RPS6KL1: variants seen among roughly 807,000 people sequenced by gnomAD.
RPS6KL1 encodes the protein ribosomal protein S6 kinase-like 1.
Under a neutral mutation model 57.0 loss-of-function variants are expected in RPS6KL1, and 41 were observed. The observed-to-expected ratio is 0.72, with a 90% confidence interval of 0.56 to 0.93. RPS6KL1 has a LOEUF of 0.93. Ranked by LOEUF, RPS6KL1 falls within the 40% of genes least tolerant of loss-of-function variation. The pLI is 0.00. For synonymous variants in RPS6KL1, 287 were observed against 309.7 expected (o/e 0.93, Z 0.77); for missense variants, 697 against 727.7 (o/e 0.96, Z 0.49).
chr14:74,919,631 G>A (rs1359890263), intron 4 of RPS6KL1, among the ~76,000 whole-genome samples: 6 of 152,344 alleles, frequency 3.9e-5, no homozygotes, highest in African/African-American at 1.4e-4. Context: ...TCAGTGAGTT[G>A]TTTGAAAATG....
Position 74,922,215 on chromosome 14 carries a change from T to C in RPS6KL1, c.-258A>G, listed in dbSNP as rs577005582. The C allele has an allele frequency of 7.1e-6, 7 of 987,076 alleles. No individual in the cohort carries two copies. The African/African-American group carries it at 1.0e-4, about 15-fold the overall frequency. The allele number at this position is 987,076 out of a possible 1,614,324, so 61.1% of individuals were successfully genotyped here. A position where few individuals can be genotyped will look rare whatever the true frequency, so the allele number is the denominator to read the frequency against. The stretch of plus-strand genomic sequence containing the variant: ...TTCACAGGGCCTCCGTAGAGCAAGC[T>C]TGGTATCCAGTACGCATTCAGCACA... On this transcript the variant is annotated 5_prime_UTR_variant, in exon 2 of 12. Transcript: ENST00000557413.
At position 74,921,515 on chromosome 14, in the gene RPS6KL1, C is replaced by CA. The variant is rs762127572; in HGVS notation, c.26dup (p.Pro10AlafsTer8). The CA allele has an allele frequency of 1.2e-6, 2 of 1,614,020 alleles. No homozygotes were observed. Among genetic ancestry groups the CA allele is most frequent in the Admixed American group, 3.3e-5 (2 of 60,022 alleles). ...GCTCAGGCTCCAGGCCGGGGCTGGG[C>CA]AGGCACTCACAGGCCACCAGGCTCA... On this transcript the variant is annotated frameshift_variant, in exon 3 of 12. Coordinates refer to ENST00000557413, the MANE Select transcript of RPS6KL1 (RefSeq NM_031464.5). LOFTEE classifies it high-confidence loss of function.
At position 74,909,849 on chromosome 14, in the gene RPS6KL1, G is replaced by A. The variant is rs774105084; in HGVS notation, c.964C>T (p.Pro322Ser). 1.2e-6 allele frequency: 2 copies of A among 1,612,784 alleles called. No individual in the cohort carries two copies. The highest frequency in any genetic ancestry group is 1.7e-6 in the Non-Finnish European group (2 of 1,179,330). Residue 322 changes from proline (P) to serine (S), a missense_variant, in exon 8 of 12, where the codon CCA (proline) becomes TCA (serine). Pro to Ser is a moderately conservative substitution (Grantham distance 74). Transcript: ENST00000557413. ...TSGSSDLPKA[P>S]GGHLHLQARR... ...GCTTGAAGGTGCAGGTGGCCACCTG[G>A]GGCCTTTGGAAGGTCCGAGGAGCCA...
chr14:74,908,631 T>C (rs956462767), intron 10 of RPS6KL1, among the ~76,000 whole-genome samples: 2 of 152,196 alleles, frequency 1.3e-5, no homozygotes, highest in Admixed American at 1.3e-4. Context: ...AAACCTTCCC[T>C]GACCATCCCA....
intron 5 of RPS6KL1, among the ~76,000 whole-genome samples, chr14:74,912,663 C>G (rs1463285838): frequency 6.6e-6 from 1 of 152,026 alleles, no homozygotes; most frequent in African/African-American, 2.4e-5. Context: ...TCCCACTCCA[C>G]TCCACCCCCT....
Position 74,911,249 on chromosome 14 carries a change from T to G in RPS6KL1, c.663A>C (p.Gln221His), listed in dbSNP as rs201027250. The G allele has an allele frequency of 1.2e-6, 2 of 1,611,642 alleles. No individual in the cohort carries two copies. Among genetic ancestry groups the G allele is most frequent in the Non-Finnish European group, 1.7e-6 (2 of 1,179,936 alleles). ...ACAGGGGGCCCCAGGCCTGCTCACC[T>G]TGCACATGCTCCAGGTGCAGGAAGA... ...DSIFLHLEHV[Q>H]GGTLWSHLLS... The change falls in exon 7 of 12, where the codon CAA becomes CAC. Residue 221 changes from glutamine (Q) to histidine (H), a missense_variant and splice_region_variant. Coordinates refer to ENST00000557413, the MANE Select transcript of RPS6KL1 (RefSeq NM_031464.5).
Position 74,906,426 on chromosome 14 carries a change from GGGT to G in RPS6KL1, c.*585_*587del. Reference sequence around the variant, plus strand: ...ATCGGGGGTGGGGGGGTGGGGGTGGGGGTCATCCTGTCCCCTACCTCATCCCTC... The same window carrying G: ...ATCGGGGGTGGGGGGGTGGGGGTGGGCATCCTGTCCCCTACCTCATCCCTC... On this transcript the variant is annotated 3_prime_UTR_variant, in exon 12 of 12. Transcript: ENST00000557413. The G allele has an allele frequency of 5.4e-6, 2 of 372,472 alleles. No individual in the cohort carries two copies. Among genetic ancestry groups the G allele is most frequent in the Non-Finnish European group, 1.1e-5 (2 of 179,952 alleles). 23.1% of individuals were successfully genotyped at this position (372,472 alleles called of 1,614,324 possible). A position where few individuals can be genotyped will look rare whatever the true frequency, so the allele number is the denominator to read the frequency against.
chr14:74,912,939 C>T (rs1167868564), intron 5 of RPS6KL1, among the ~76,000 whole-genome samples: 3 of 152,178 alleles, frequency 2.0e-5, no homozygotes, highest in Non-Finnish European at 2.9e-5. Context: ...CACATGGGTA[C>T]GTCGAGGGCG....
At chr14:74,907,379 T>C (rs1885083872) in intron 11 of RPS6KL1, 56 bp downstream of exon 11, 1 of 1,537,916 alleles carries the variant, frequency 6.5e-7, no homozygotes, top group East Asian at 2.5e-5. Context: ...TCTGTGCCCC[T>C]CCCAGCACCT....
intron 4 of RPS6KL1, among the ~76,000 whole-genome samples, chr14:74,918,842 G>A (rs1887308512): frequency 6.6e-6 from 1 of 152,230 alleles, no homozygotes; most frequent in South Asian, 2.1e-4. Context: ...GCCCGTCCAA[G>A]GCCCATGAAG....
chr14:74,921,708 T>C, intron 2 of RPS6KL1, 147 bp from the exon 3 acceptor site: 7 of 1,437,186 alleles, frequency 4.9e-6, no homozygotes, highest in Non-Finnish European at 6.4e-6. Context: ...GGTCTTTTCA[T>C]GGATCCAGGT....
chr14:74,920,112 T>C, intron 3 of RPS6KL1, 143 bp from the exon 4 acceptor site: 4 of 1,068,712 alleles, frequency 3.7e-6, no homozygotes, highest in Non-Finnish European at 4.1e-6. Context: ...CCCAGATTGC[T>C]TCATGAGCCC....
In RPS6KL1 at chr14:74,909,737, C is replaced by T. The variant is rs1161087053; in HGVS notation, c.1076G>A (p.Cys359Tyr). ...PEGAGPVLGG[C>Y]GRGMDQSCLS... ...GCAGCTCTGATCCATGCCTCGGCCA[C>T]AGCCCCCTAGCACCGGGCCGGCCCC... The change falls in exon 8 of 12, where the codon TGT (cysteine) becomes TAT (tyrosine). Residue 359 changes from cysteine (C) to tyrosine (Y), a missense_variant. By Grantham distance (194) the Cys-to-Tyr change is radical. Coordinates refer to ENST00000557413, the MANE Select transcript of RPS6KL1 (RefSeq NM_031464.5). The T allele has an allele frequency of 1.9e-6, 3 of 1,608,002 alleles. No homozygotes were observed. The highest frequency in any genetic ancestry group is 1.1e-5 in the South Asian group (1 of 91,046).
Position 74,906,548 on chromosome 14 carries a change from A to T in RPS6KL1, c.*466T>A, listed in dbSNP as rs757949927. ...GCCTACTCGCTGTGTGACTAAGAGG[A>T]CTAGCCAGGACAGTCTGGTTTGGGT... On this transcript the variant is annotated 3_prime_UTR_variant, in exon 12 of 12. Transcript: ENST00000557413. 3.8e-6 allele frequency: 2 copies of T among 524,800 alleles called. No individual in the cohort carries two copies. The highest frequency in any genetic ancestry group is 2.9e-5 in the South Asian group (2 of 68,866). 32.5% of individuals were successfully genotyped at this position (524,800 alleles called of 1,614,324 possible).
intron 10 of RPS6KL1, among the ~76,000 whole-genome samples, chr14:74,908,342 G>A (rs1451590818): frequency 3.9e-5 from 6 of 152,180 alleles, no homozygotes; most frequent in Non-Finnish European, 1.5e-5. Flanking sequence ...TGCCTGCTCT[G>A]ATTGCAACCT....
chr14:74,907,653 G>A, intron 10 of RPS6KL1, 123 bp from the exon 11 acceptor site: 1 of 885,002 alleles, frequency 1.1e-6, no homozygotes, highest in Non-Finnish European at 1.7e-6. Flanking sequence ...AATGATAGTT[G>A]CTACAGCCAG....
In RPS6KL1 at chr14:74,906,507, G is replaced by A. The variant is rs74064442; in HGVS notation, c.*507C>T. On this transcript the variant is annotated 3_prime_UTR_variant, in exon 12 of 12. Transcript: ENST00000557413. ...CTGGGCCTCCCCAGCTGCACGAACA[G>A]CTTCTGGTGGAAGAGGCCTACTCGC... 0.061 allele frequency: 30,225 copies of A among 492,778 alleles called. 1,223 individuals carry two copies. The highest frequency in any genetic ancestry group is 0.13 in the African/African-American group (6,702 of 51,228). 30.5% of individuals were successfully genotyped at this position (492,778 alleles called of 1,614,324 possible).
rs1290989441 is a variant in RPS6KL1, at chr14:74,909,613, C to G, written c.1200G>C (p.Leu400=). ...KQWAAEMLVA[L]EALHEQGVLC... ...GCACCCCCTGCTCGTGCAGCGCCTC[C>G]AGCGCTACCAGCATCTCTGCCGCCC... The change falls in exon 8 of 12, where the codon CTG becomes CTC. Residue 400 remains leucine, a synonymous_variant. Coordinates refer to ENST00000557413, the MANE Select transcript of RPS6KL1 (RefSeq NM_031464.5). 1.9e-6 allele frequency: 3 copies of G among 1,612,316 alleles called. No homozygotes were observed. Among genetic ancestry groups the G allele is most frequent in the Non-Finnish European group, 2.5e-6 (3 of 1,179,930 alleles).
intron 7 of RPS6KL1, chr14:74,910,812 G>A (rs570486529): frequency 4.8e-5 from 8 of 168,248 alleles, no homozygotes; most frequent in Admixed American, 1.1e-4. Context: ...CAGAAAGGCC[G>A]GGTCCCCTGG....
Sources: gnomAD v4.1 joint callset for allele counts (sites outside exome capture counted in the v4.1 genomes callset) on GRCh38, gnomAD v4.1.1 for gene constraint, MANE v1.5 for transcripts, NCBI Gene and HGNC (gene_info 2026-07-23, HGNC 2026-07-21) for gene names.